The following XRCC4 variants were observed in gnomAD, a reference collection of about 807,000 sequenced individuals.
The protein encoded by XRCC4 is X-ray repair cross complementing 4, also known as DNA repair protein XRCC4.
Under a neutral mutation model 39.1 loss-of-function variants are expected in XRCC4, and 28 were observed. The ratio of observed to expected loss-of-function variants is 0.72; its 90% confidence interval spans 0.53 to 0.98. XRCC4 has a LOEUF of 0.98. Among genes scored for constraint, XRCC4 ranks in the 50% least tolerant of loss-of-function variants. XRCC4 has a pLI of 0.00. For missense variants in XRCC4, 350 were observed against 376.4 expected, an observed-to-expected ratio of 0.93 and a Z score of 0.58; for synonymous variants, 123 against 126.4, an observed-to-expected ratio of 0.97 and a Z score of 0.18.
At chr5:83,269,723 C>T (rs949587327) in intron 7 of XRCC4, among the ~76,000 whole-genome samples, 4 of 151,908 alleles carry the variant, frequency 2.6e-5, no homozygotes, top group African/African-American at 4.8e-5. Context: ...TTGTATAATA[C>T]GGGAAAGAAA....
intron 6 of XRCC4, among the ~76,000 whole-genome samples, chr5:83,234,966 ATACT>A (rs1308734778): frequency 6.6e-6 from 1 of 151,564 alleles, no homozygotes; most frequent in Non-Finnish European, 1.5e-5. Flanking sequence ...TATCTATCAC[ATACT>A]TAAACATTAG....
chr5:83,332,373 C>G (rs1756467046), intron 7 of XRCC4, among the ~76,000 whole-genome samples: 1 of 151,934 alleles, frequency 6.6e-6, no homozygotes, highest in Admixed American at 6.6e-5. Flanking sequence ...ATGTAGGCAC[C>G]TTTATCTCTT....
intron 7 of XRCC4, among the ~76,000 whole-genome samples, chr5:83,271,201 T>C (rs1473813598): frequency 6.6e-6 from 1 of 152,186 alleles, no homozygotes; most frequent in African/African-American, 2.4e-5. Context: ...ACTTGAAAAT[T>C]ATTGTAATCC....
intron 6 of XRCC4, among the ~76,000 whole-genome samples, chr5:83,209,083 A>AGTGTGTGTGT (rs35019637): frequency 2.4e-4 from 35 of 143,682 alleles, no homozygotes; most frequent in African/African-American, 7.3e-4. Context: ...CTCCAAAGTG[A>AGTGTGTGTGT]GTGTGTGTGT....
At position 83,353,366 on chromosome 5, in the gene XRCC4, A is replaced by C. The variant is rs562812371; in HGVS notation, c.*124A>C. The C allele has an allele frequency of 3.6e-4, 263 of 735,296 alleles. 1 individual carries two copies. The South Asian group carries it at 5.5e-3, about 15-fold the overall frequency. 45.5% of individuals were successfully genotyped at this position (735,296 alleles called of 1,614,324 possible). On this transcript the variant is annotated 3_prime_UTR_variant, in exon 8 of 8. Coordinates refer to ENST00000396027, the MANE Select transcript of XRCC4 (RefSeq NM_003401.5). ...TATCTTACAATTTAATTACATACAC[A>C]GTGAATTGAAACCATTGTGCAAAAT...
chr5:83,294,553 TTA>T (rs1339508408), intron 7 of XRCC4, among the ~76,000 whole-genome samples: 1 of 152,024 alleles, frequency 6.6e-6, no homozygotes, highest in Non-Finnish European at 1.5e-5. Flanking sequence ...CTAAAAAGAA[TTA>T]GTGTGTCTTA....
chr5:83,134,862 A>C (rs1237603381), intron 3 of XRCC4, among the ~76,000 whole-genome samples: 1 of 151,842 alleles, frequency 6.6e-6, no homozygotes, highest in Non-Finnish European at 1.5e-5. Context: ...AGAAGGAACA[A>C]CTCTGGACAC....
intron 3 of XRCC4, among the ~76,000 whole-genome samples, chr5:83,139,943 T>C (rs1748087779): frequency 6.6e-6 from 1 of 152,232 alleles, no homozygotes; most frequent in Non-Finnish European, 1.5e-5. Flanking sequence ...TGTCCATCTG[T>C]ATTTATGTTA....
At chr5:83,215,250 G>A (rs956378462) in intron 6 of XRCC4, among the ~76,000 whole-genome samples, 1 of 151,854 alleles carries the variant, frequency 6.6e-6, no homozygotes, top group Admixed American at 6.6e-5. Flanking sequence ...GAGACAGGAG[G>A]ATTGCTTGAG....
intron 2 of XRCC4, among the ~76,000 whole-genome samples, chr5:83,105,688 C>T (rs540119039): frequency 6.6e-6 from 1 of 152,016 alleles, no homozygotes; most frequent in Admixed American, 6.6e-5. Flanking sequence ...CTTATATTTT[C>T]CTTATATACG....
intron 7 of XRCC4, among the ~76,000 whole-genome samples, chr5:83,267,452 G>A (rs28360246): frequency 0.026 from 4,032 of 152,206 alleles, 76 homozygotes; most frequent in Non-Finnish European, 0.04. Context: ...GTGATGGGTG[G>A]CCATGTGACA....
At chr5:83,274,894 G>C (rs771462854) in intron 7 of XRCC4, among the ~76,000 whole-genome samples, 4 of 152,180 alleles carry the variant, frequency 2.6e-5, no homozygotes, top group African/African-American at 4.8e-5. Context: ...GACATGGACT[G>C]ATGTTGTTTT....
At chr5:83,325,142 A>G (rs1483812928) in intron 7 of XRCC4, among the ~76,000 whole-genome samples, 1 of 152,056 alleles carries the variant, frequency 6.6e-6, no homozygotes, top group Non-Finnish European at 1.5e-5. Flanking sequence ...TCTGCCTCCT[A>G]ATAAAAGCTA....
chr5:83,280,007 A>G (rs973898646), intron 7 of XRCC4: 3 of 197,790 alleles, frequency 1.5e-5, no homozygotes, highest in Non-Finnish European at 3.3e-5. Flanking sequence ...GGCAGCTACC[A>G]TCTGCTTTAC....
chr5:83,204,993 C>A (rs1751364488), intron 6 of XRCC4, 72 bp downstream of exon 6: 2 of 1,049,030 alleles, frequency 1.9e-6, no homozygotes, highest in Admixed American at 2.2e-5. Flanking sequence ...GACAAGAAAC[C>A]ATAATGGAAA....
Position 83,198,211 on chromosome 5 carries a change from A to G in XRCC4, c.482+2275A>G, listed in dbSNP as rs983899463. ...TAGTTAATTTTGGGGGAAGCCTCCG[A>G]TTATTTTTGGGTCAGTGTCCATTCA... On this transcript the variant is annotated intron_variant, in intron 4 of 7. Coordinates refer to ENST00000396027, the MANE Select transcript of XRCC4 (RefSeq NM_003401.5). Among the ~76,000 whole-genome samples the G allele has an allele frequency of 5.3e-5, 8 of 152,082 alleles. No homozygotes were observed. In the East Asian group the frequency reaches 1.2e-3, roughly 22 times the overall value.
chr5:83,236,872 A>G (rs182779250), intron 6 of XRCC4, among the ~76,000 whole-genome samples: 34 of 152,216 alleles, frequency 2.2e-4, no homozygotes, highest in African/African-American at 7.7e-4. Flanking sequence ...ATAGGTGAAA[A>G]AAAAAAAAAT....
chr5:83,161,321 A>C (rs368760860), intron 3 of XRCC4, among the ~76,000 whole-genome samples: 2 of 152,036 alleles, frequency 1.3e-5, no homozygotes, highest in South Asian at 2.1e-4. Flanking sequence ...TAGTAGAGAC[A>C]GAGTTTCACC....
downstream of XRCC4, among the ~76,000 whole-genome samples, chr5:83,358,202 A>G (rs1757211869): frequency 6.6e-6 from 1 of 152,114 alleles, no homozygotes; most frequent in Admixed American, 6.6e-5. Flanking sequence ...GGAAATGGAT[A>G]CCTTGAGAAA....
Sources: allele counts gnomAD v4.1 joint callset (sites outside exome capture counted in the v4.1 genomes callset), GRCh38; gene constraint gnomAD v4.1.1; transcripts MANE v1.5; gene names NCBI Gene and HGNC (gene_info 2026-07-23, HGNC 2026-07-21).